The following SNAP91 variants were observed in gnomAD, a reference collection of about 807,000 sequenced individuals.
SNAP91 encodes synaptosome associated protein 91.
In SNAP91, 27 loss-of-function variants were observed where a neutral mutation model predicts 100.3. That is an observed-to-expected ratio of 0.27 (90% CI 0.20 to 0.37). The LOEUF (loss-of-function observed/expected upper bound fraction) is 0.37, where lower values mean the gene tolerates loss of function less well. Ranked by LOEUF, SNAP91 falls within the 10% of genes least tolerant of loss-of-function variation. SNAP91 has a pLI of 1.00. For missense variants in SNAP91, 986 were observed against 1,123.7 expected, an observed-to-expected ratio of 0.88 and a Z score of 1.75; for synonymous variants, 404 against 398.6, an observed-to-expected ratio of 1.01 and a Z score of -0.16.
chr6:83,629,588 T>G (rs2128463542), intron 8 of SNAP91, among the ~76,000 whole-genome samples: 1 of 152,262 alleles, frequency 6.6e-6, no homozygotes, highest in East Asian at 1.9e-4. Context: ...GTTCGGTATA[T>G]TCCTAAGTAT....
At chr6:83,621,048 C>A (rs956247017) in intron 9 of SNAP91, among the ~76,000 whole-genome samples, 3 of 86,120 alleles carry the variant, frequency 3.5e-5, no homozygotes, top group African/African-American at 5.9e-5. Context: ...TTTAAAAAAT[C>A]TTTTAGGGTT....
At chr6:83,672,528 T>C (rs1042635120) in intron 2 of SNAP91, among the ~76,000 whole-genome samples, 25 of 152,118 alleles carry the variant, frequency 1.6e-4, no homozygotes, top group African/African-American at 5.8e-4. Flanking sequence ...ATTATCATTG[T>C]TAGTCTACAT....
rs188040094 is a variant in SNAP91 at position 83,603,524 on chromosome 6, T to G, written c.1142-1925A>C. ...CATGCATGAGCCACTGCACTCAGTT[T>G]TTTTAATCCAACTGTCTTTGGTAAA... is the stretch of plus-strand genomic sequence containing the variant. On this transcript the variant is annotated intron_variant, in intron 14 of 29. Transcript: ENST00000369694. 1.5e-3 allele frequency among the ~76,000 whole-genome samples: 229 copies of G among 152,240 alleles called. 1 individual carries two copies. Among genetic ancestry groups the G allele is most frequent in the African/African-American group, 5.5e-3 (227 of 41,558 alleles).
intron 7 of SNAP91, among the ~76,000 whole-genome samples, chr6:83,652,775 A>C (rs1411152872): frequency 6.6e-6 from 1 of 152,130 alleles, no homozygotes; most frequent in African/African-American, 2.4e-5. Flanking sequence ...ATTTTTCGCA[A>C]ATGCAGATCT....
chr6:83,662,992 T>A (rs575960206), intron 3 of SNAP91, among the ~76,000 whole-genome samples: 75 of 152,272 alleles, frequency 4.9e-4, no homozygotes, highest in Admixed American at 1.0e-3. Context: ...TCACAATAGT[T>A]CAAACTTTTT....
chr6:83,613,144 C>T (rs2096261525), intron 11 of SNAP91, among the ~76,000 whole-genome samples: 1 of 151,960 alleles, frequency 6.6e-6, no homozygotes, highest in South Asian at 2.1e-4. Context: ...TGCAGTTATC[C>T]CATGAATTAT....
chr6:83,590,959 G>C (rs1305313330), intron 22 of SNAP91, among the ~76,000 whole-genome samples: 1 of 151,652 alleles, frequency 6.6e-6, no homozygotes, highest in East Asian at 1.9e-4. Context: ...TTTAGATTTG[G>C]GGGGGCAAGT....
At chr6:83,570,209 GC>G (rs1206822467) in intron 26 of SNAP91, among the ~76,000 whole-genome samples, 2 of 152,042 alleles carry the variant, frequency 1.3e-5, no homozygotes, top group Non-Finnish European at 1.5e-5. Flanking sequence ...TTTTGCCCCT[GC>G]CCCAGAGATT....
intron 2 of SNAP91, among the ~76,000 whole-genome samples, chr6:83,692,379 G>A (rs1384818858): frequency 6.6e-6 from 1 of 152,110 alleles, no homozygotes; most frequent in Admixed American, 6.6e-5. Context: ...GCTAGGCGTG[G>A]TAGAGCGCAC....
chr6:83,581,462 A>G (rs980995834), intron 23 of SNAP91, among the ~76,000 whole-genome samples: 5 of 152,254 alleles, frequency 3.3e-5, no homozygotes, highest in Admixed American at 6.5e-5. Flanking sequence ...ATGCAGACAC[A>G]TAGCATTTGC....
chr6:83,615,119 AT>A (rs541692385), intron 10 of SNAP91, among the ~76,000 whole-genome samples: 3 of 151,556 alleles, frequency 2.0e-5, no homozygotes, highest in African/African-American at 4.8e-5. Flanking sequence ...GTCCATAGCT[AT>A]TTTTTTTTCC....
chr6:83,618,173 A>G (rs2096575779), intron 9 of SNAP91, among the ~76,000 whole-genome samples: 1 of 151,836 alleles, frequency 6.6e-6, no homozygotes, highest in Non-Finnish European at 1.5e-5. Flanking sequence ...GACTCTTAAA[A>G]CTGTCTTAAC....
At chr6:83,567,184 C>T (rs557428500) in intron 26 of SNAP91, among the ~76,000 whole-genome samples, 7 of 152,238 alleles carry the variant, frequency 4.6e-5, no homozygotes, top group East Asian at 3.9e-4. Flanking sequence ...GTGATCCCCC[C>T]GCCTCAGTTT....
chr6:83,574,458 A>G (rs983810793), intron 26 of SNAP91, among the ~76,000 whole-genome samples: 6 of 152,156 alleles, frequency 3.9e-5, no homozygotes, highest in African/African-American at 1.4e-4. Flanking sequence ...GAGTAGTTTC[A>G]ATTTTTAAAA....
chr6:83,562,509 G>A (rs1236181280), intron 26 of SNAP91, among the ~76,000 whole-genome samples: 1 of 152,106 alleles, frequency 6.6e-6, no homozygotes, highest in African/African-American at 2.4e-5. Context: ...CATATCAGAA[G>A]CAGGGCTTAG....
At chr6:83,703,052 T>C (rs913591830) in intron 2 of SNAP91, among the ~76,000 whole-genome samples, 14 of 152,126 alleles carry the variant, frequency 9.2e-5, no homozygotes, top group African/African-American at 2.4e-4. Context: ...ATTAAATGCT[T>C]TTCAGAAGTG....
intron 2 of SNAP91, among the ~76,000 whole-genome samples, chr6:83,666,595 T>A (rs1205948670): frequency 6.6e-6 from 1 of 152,144 alleles, no homozygotes; most frequent in Non-Finnish European, 1.5e-5. Context: ...ATTTTATGCA[T>A]TGCATTTCTC....
intron 22 of SNAP91, among the ~76,000 whole-genome samples, chr6:83,590,833 T>C (rs1289046778): frequency 1.3e-5 from 2 of 152,230 alleles, no homozygotes; most frequent in African/African-American, 2.4e-5. Context: ...AAAGGTGGCT[T>C]GTATACAGCT....
At chr6:83,614,687 T>C (rs572519628) in intron 11 of SNAP91, among the ~76,000 whole-genome samples, 170 bp downstream of exon 11, 6 of 152,288 alleles carry the variant, frequency 3.9e-5, no homozygotes, top group African/African-American at 1.4e-4. Context: ...AAACCATTTA[T>C]GCTAGTCAAC....
Sources: allele counts gnomAD v4.1 joint callset (sites outside exome capture counted in the v4.1 genomes callset), GRCh38; gene constraint gnomAD v4.1.1; transcripts MANE v1.5; gene names NCBI Gene and HGNC (gene_info 2026-07-23, HGNC 2026-07-21).